CHRM3: variants seen among roughly 807,000 people sequenced by gnomAD.
CHRM3 encodes cholinergic receptor muscarinic 3.
Under a neutral mutation model 41.8 loss-of-function variants are expected in CHRM3, and 11 were observed. The ratio of observed to expected loss-of-function variants is 0.26; its 90% CI spans 0.17 to 0.44. The LOEUF (loss-of-function observed/expected upper bound fraction) is 0.44. Ranked by LOEUF, CHRM3 falls within the 20% of genes least tolerant of loss-of-function variation. The pLI, the probability that CHRM3 is intolerant of heterozygous loss-of-function variation, is 1.00. For missense variants in CHRM3, 571 were observed against 745.4 expected (o/e 0.77, Z 2.72); for synonymous variants, 297 against 301.4 (o/e 0.99, Z 0.15).
At chr1:239,746,279 G>T (rs2148538525) in intron 5 of CHRM3, among the ~76,000 whole-genome samples, 1 of 152,318 alleles carries the variant, frequency 6.6e-6, no homozygotes, top group East Asian at 1.9e-4. Context: ...GATACTGAGT[G>T]TAAAGCCATA....
chr1:239,697,985 G>A (rs577626529), intron 5 of CHRM3, among the ~76,000 whole-genome samples: 1 of 152,292 alleles, frequency 6.6e-6, no homozygotes, highest in African/African-American at 2.4e-5. Context: ...GAGAGAGCTG[G>A]CAGCATAGAA....
intron 1 of CHRM3, among the ~76,000 whole-genome samples, chr1:239,457,357 T>G (rs1220995320): frequency 4.6e-5 from 7 of 152,308 alleles, no homozygotes; most frequent in African/African-American, 1.7e-4. Context: ...GGGATTGTAG[T>G]TTTTTAGTGT....
At position 239,404,456 on chromosome 1, in the gene CHRM3, AAGAAAGAAAGAAAAAG is replaced by A. The variant is rs1558196102; in HGVS notation, c.-521+17231_-521+17246del. Among the ~76,000 whole-genome samples, 34 of 139,038 alleles carry A rather than the reference AAGAAAGAAAGAAAAAG, an allele frequency of 2.4e-4. 1 individual carries two copies. The highest frequency in any genetic ancestry group is 8.3e-4 in the African/African-American group (31 of 37,304). The allele number at this position is 139,038 out of a possible 152,430, so 91.2% of individuals were successfully genotyped here. A position where few individuals can be genotyped will look rare whatever the true frequency, so the allele number is the denominator to read the frequency against. ...AAAGAAAGAAAGAAAGAAAGAAAGA[AAGAAAGAAAGAAAAAG>A]AAAGAAAGAAAGGAACATTTATTTT... is the stretch of plus-strand genomic sequence containing the variant. On this transcript the variant is annotated intron_variant, in intron 1 of 6. Transcript: ENST00000676153.
chr1:239,689,282 G>A (rs543400376), intron 5 of CHRM3, among the ~76,000 whole-genome samples: 7 of 151,750 alleles, frequency 4.6e-5, no homozygotes, highest in Admixed American at 2.6e-4. Context: ...TTTCAGAGAA[G>A]GATTCTATAT....
chr1:239,708,439 C>T (rs551873053), intron 5 of CHRM3, among the ~76,000 whole-genome samples: 1 of 152,138 alleles, frequency 6.6e-6, no homozygotes, highest in Non-Finnish European at 1.5e-5. Flanking sequence ...AGTCGTATTC[C>T]AAAATTCACT....
At chr1:239,894,193 TC>T (rs1472352476) in intron 6 of CHRM3, among the ~76,000 whole-genome samples, 1 of 152,194 alleles carries the variant, frequency 6.6e-6, no homozygotes, top group Non-Finnish European at 1.5e-5. Flanking sequence ...ATTTGGAAAC[TC>T]AATAAAGGAA....
At chr1:239,830,293 C>T (rs1672790431) in intron 6 of CHRM3, among the ~76,000 whole-genome samples, 3 of 152,208 alleles carry the variant, frequency 2.0e-5, no homozygotes, top group Admixed American at 2.0e-4. Context: ...ATTAATATTA[C>T]ATTCTTTACC....
At chr1:239,420,680 T>C (rs1338772554) in intron 1 of CHRM3, among the ~76,000 whole-genome samples, 1 of 152,234 alleles carries the variant, frequency 6.6e-6, no homozygotes, top group Non-Finnish European at 1.5e-5. Flanking sequence ...TAGATAGGTA[T>C]TGATTTCAGT....
intron 3 of CHRM3, among the ~76,000 whole-genome samples, chr1:239,549,984 G>A (rs926601477): frequency 1.3e-5 from 2 of 151,746 alleles, no homozygotes; most frequent in Non-Finnish European, 2.9e-5. Context: ...CCAAGCAGAA[G>A]GTGAGTCCTT....
At chr1:239,873,800 A>G (rs1231513878) in intron 6 of CHRM3, among the ~76,000 whole-genome samples, 1 of 151,982 alleles carries the variant, frequency 6.6e-6, no homozygotes, top group Admixed American at 6.6e-5. Context: ...TCCTCTGCAT[A>G]TCTTGAGCAC....
chr1:239,547,301 C>T (rs528646521), intron 3 of CHRM3, among the ~76,000 whole-genome samples: 66 of 152,302 alleles, frequency 4.3e-4, no homozygotes, highest in Non-Finnish European at 7.5e-4. Context: ...CATTTAATTT[C>T]TCTGTGCTTT....
intron 1 of CHRM3, among the ~76,000 whole-genome samples, chr1:239,448,801 G>T (rs1664350529): frequency 6.6e-6 from 1 of 151,896 alleles, no homozygotes; most frequent in African/African-American, 2.4e-5. Context: ...GTTTTGTTTT[G>T]TTTTCAATCT....
At chr1:239,642,528 A>G (rs888300908) in intron 4 of CHRM3, among the ~76,000 whole-genome samples, 56 of 152,046 alleles carry the variant, frequency 3.7e-4, no homozygotes, top group African/African-American at 1.3e-3. Flanking sequence ...ATCTTCCATC[A>G]CTGATACCTC....
intron 5 of CHRM3, chr1:239,705,420 A>T (rs1320402585): frequency 6.6e-6 from 1 of 152,178 alleles, no homozygotes; most frequent in Non-Finnish European, 1.5e-5. Flanking sequence ...AACAACAGAA[A>T]CTTAGTGCTT....
chr1:239,432,840 G>T (rs1662933375), intron 1 of CHRM3, among the ~76,000 whole-genome samples: 1 of 152,130 alleles, frequency 6.6e-6, no homozygotes, highest in Admixed American at 6.5e-5. Context: ...TGCTTTCTAA[G>T]CCATTTTCAC....
At chr1:239,498,742 C>A (rs1030590101) in intron 2 of CHRM3, among the ~76,000 whole-genome samples, 3 of 152,082 alleles carry the variant, frequency 2.0e-5, no homozygotes, top group Admixed American at 2.0e-4. Flanking sequence ...ATTTTTAAGA[C>A]TTTTGTTTAA....
chr1:239,717,801 C>T (rs189998565), intron 5 of CHRM3, among the ~76,000 whole-genome samples: 1 of 152,124 alleles, frequency 6.6e-6, no homozygotes, highest in African/African-American at 2.4e-5. Flanking sequence ...TCCTTGGGGC[C>T]GTGTCCTCAA....
rs1680195863 is a variant in CHRM3 at position 239,908,995 on chromosome 1, C to T, written c.1544C>T (p.Thr515Ile). 1.2e-6 allele frequency: 2 copies of T among 1,614,026 alleles called. No homozygotes were observed. Among genetic ancestry groups the T allele is most frequent in the African/African-American group, 1.3e-5 (1 of 74,908 alleles). ...TACAACATCATGGTTCTGGTGAACA[C>T]CTTTTGTGACAGCTGCATACCCAAA... is the stretch of plus-strand genomic sequence containing the variant. ...TPYNIMVLVN[T>I]FCDSCIPKTF... Residue 515 changes from threonine (T) to isoleucine (I), a missense_variant, in exon 7 of 7, where the codon ACC (threonine) becomes ATC (isoleucine). Thr to Ile is a moderately conservative substitution (Grantham distance 89). Around this residue, in one of 5 missense-constraint regions of CHRM3, gnomAD observed 43 missense variants for 93.7 expected, o/e 0.46. Coordinates refer to ENST00000676153, the MANE Select transcript of CHRM3 (RefSeq NM_001375978.1). The surrounding 1 kb of genome is among the most constrained non-coding windows in gnomAD (Gnocchi z 7.2).
intron 1 of CHRM3, among the ~76,000 whole-genome samples, chr1:239,477,444 A>G (rs1301343439): frequency 6.6e-6 from 1 of 152,234 alleles, no homozygotes; most frequent in African/African-American, 2.4e-5. Context: ...AAGCAAAGAC[A>G]CTTACATGAA....
Sources: gnomAD v4.1 joint callset for allele counts (sites outside exome capture counted in the v4.1 genomes callset) on GRCh38, gnomAD v4.1.1 for gene constraint, gnomAD v4.1.1 regional missense constraint, Gnocchi (gnomAD v3.1) non-coding constraint, MANE v1.5 for transcripts, NCBI Gene and HGNC (gene_info 2026-07-23, HGNC 2026-07-21) for gene names.